Variants in SHOC2 observed in about 807,000 individuals in gnomAD.
The protein encoded by SHOC2 is leucine-rich repeat protein SHOC-2.
SHOC2 carries 4 observed loss-of-function variants against 50.2 expected under a neutral mutation model. That is an observed-to-expected ratio of 0.08 (90% CI 0.04 to 0.18). SHOC2 has a LOEUF of 0.18. Among genes scored for constraint, SHOC2 ranks in the 10% least tolerant of loss-of-function variants. The pLI is 1.00. For missense variants in SHOC2, 388 were observed against 669.6 expected, an observed-to-expected ratio of 0.58 and a Z score of 4.64; for synonymous variants, 218 against 244.5, an observed-to-expected ratio of 0.89 and a Z score of 1.01.
intron 3 of SHOC2, among the ~76,000 whole-genome samples, chr10:110,992,604 A>G (rs1848205265): frequency 6.6e-6 from 1 of 152,212 alleles, no homozygotes; most frequent in Non-Finnish European, 1.5e-5. Context: ...GCTGGAGTGC[A>G]GAACAATTCA....
At chr10:110,942,368 GAC>G (rs1022890103) in intron 1 of SHOC2, among the ~76,000 whole-genome samples, 4 of 152,002 alleles carry the variant, frequency 2.6e-5, no homozygotes, top group Admixed American at 1.3e-4. Context: ...TTGTTTTTGA[GAC>G]AGGGTCTTGC....
chr10:110,961,522 A>G (rs1048839108), intron 1 of SHOC2, among the ~76,000 whole-genome samples: 1 of 152,170 alleles, frequency 6.6e-6, no homozygotes, highest in African/African-American at 2.4e-5. Flanking sequence ...AATTCCCTTA[A>G]GTAAAGCATA....
Position 111,007,582 on chromosome 10 carries a change from G to A in SHOC2, c.1213G>A (p.Val405Ile), listed in dbSNP as rs1590837794. The A allele has an allele frequency of 6.2e-7, 1 of 1,613,674 alleles. No homozygotes were observed. The highest frequency in any genetic ancestry group is 8.5e-7 in the Non-Finnish European group (1 of 1,179,724). ...GGATTTTGGAACTTGGACCAGTATGGTAGAATTGAATTTAGCCACTAATCA... is the reference window on the plus strand; with the variant it reads ...GGATTTTGGAACTTGGACCAGTATGATAGAATTGAATTTAGCCACTAATCA... ...PLDFGTWTSM[V>I]ELNLATNQLT... Residue 405 changes from valine (V) to isoleucine (I), a missense_variant, in exon 6 of 9, where the codon GTA (valine) becomes ATA (isoleucine). Transcript: ENST00000369452.
intron 2 of SHOC2, among the ~76,000 whole-genome samples, chr10:110,977,738 A>G (rs1319784803): frequency 2.0e-5 from 3 of 152,172 alleles, no homozygotes; most frequent in African/African-American, 4.8e-5. Context: ...CCTTTTGTCT[A>G]CATCTAATTT....
chr10:110,939,882 A>G (rs1036825446), intron 1 of SHOC2, among the ~76,000 whole-genome samples: 18 of 152,328 alleles, frequency 1.2e-4, no homozygotes, highest in African/African-American at 4.3e-4. Context: ...ATGGTCAATT[A>G]TGGAAATATT....
At chr10:110,933,095 T>C (rs1186336426) in intron 1 of SHOC2, among the ~76,000 whole-genome samples, 2 of 152,150 alleles carry the variant, frequency 1.3e-5, no homozygotes, top group Non-Finnish European at 2.9e-5. Flanking sequence ...GATCTCTGAT[T>C]ATTATATAGA....
intron 1 of SHOC2, 49 bp downstream of exon 1, chr10:110,919,706 T>C (rs1302197605): frequency 7.5e-6 from 3 of 397,524 alleles, no homozygotes; most frequent in Non-Finnish European, 1.3e-5. Flanking sequence ...CGGTTCTTCC[T>C]GCCTGCCTTC....
At chr10:110,940,117 A>G (rs1590785875) in intron 1 of SHOC2, among the ~76,000 whole-genome samples, 1 of 152,218 alleles carries the variant, frequency 6.6e-6, no homozygotes, top group East Asian at 1.9e-4. Context: ...TATTAGTGCC[A>G]TCTGTAGAAT....
chr10:110,954,133 C>A (rs1401529245), intron 1 of SHOC2, among the ~76,000 whole-genome samples: 1 of 151,044 alleles, frequency 6.6e-6, no homozygotes, highest in East Asian at 1.9e-4. Context: ...TGTTTATATT[C>A]CAATTTAGTG....
intron 2 of SHOC2, among the ~76,000 whole-genome samples, chr10:110,976,555 A>G (rs1353414109): frequency 6.6e-6 from 1 of 151,974 alleles, no homozygotes. Context: ...CAAGCAATCC[A>G]TCCACCTCAG....
chr10:111,001,721 A>G (rs774772807), intron 4 of SHOC2, among the ~76,000 whole-genome samples: 17 of 152,274 alleles, frequency 1.1e-4, no homozygotes, highest in South Asian at 6.2e-4. Context: ...GTGTGTGTGT[A>G]ATCAAATTAA....
intron 2 of SHOC2, among the ~76,000 whole-genome samples, chr10:110,977,001 C>T (rs1847890339): frequency 6.6e-6 from 1 of 152,050 alleles, no homozygotes; most frequent in Non-Finnish European, 1.5e-5. Context: ...TATATCATTT[C>T]TTCTTCAGTG....
chr10:111,008,625 C>T (rs1442523188), intron 6 of SHOC2, among the ~76,000 whole-genome samples: 1 of 152,066 alleles, frequency 6.6e-6, no homozygotes. Flanking sequence ...TTATTTTCTC[C>T]ATCTTACTGT....
rs544940671 is a variant in SHOC2, at chr10:110,966,100, T to C, written c.703+1039T>C. Among the ~76,000 whole-genome samples the C allele has an allele frequency of 1.4e-4, 22 of 152,226 alleles. 1 individual carries two copies. The highest frequency in any genetic ancestry group is 4.3e-4 in the African/African-American group (18 of 41,584). ...TAGGTTTTGCAGCTTTTCAAAGATATGATATTCTGTGGGTGTTTTAATATT... is the reference window on the plus strand; with the variant it reads ...TAGGTTTTGCAGCTTTTCAAAGATACGATATTCTGTGGGTGTTTTAATATT... On this transcript the variant is annotated intron_variant, in intron 2 of 8. Coordinates refer to ENST00000369452, the MANE Select transcript of SHOC2 (RefSeq NM_007373.4).
intron 3 of SHOC2, among the ~76,000 whole-genome samples, chr10:110,994,594 C>G (rs1264730729): frequency 6.6e-6 from 1 of 152,090 alleles, no homozygotes; most frequent in Admixed American, 6.5e-5. Flanking sequence ...TGTGTTTACT[C>G]AGCATAAAAA....
At chr10:110,980,830 C>G (rs1199816918) in intron 2 of SHOC2, among the ~76,000 whole-genome samples, 1 of 152,044 alleles carries the variant, frequency 6.6e-6, no homozygotes, top group Non-Finnish European at 1.5e-5. Context: ...CAGTCAGTTC[C>G]AACTTCCTTT....
rs79722935 is a variant in SHOC2, at chr10:110,978,600, G to C, written c.704-7028G>C. Among the ~76,000 whole-genome samples, 32 of 152,304 alleles carry C rather than the reference G, an allele frequency of 2.1e-4. 1 individual carries two copies. In the East Asian group the frequency reaches 6.0e-3, roughly 28 times the overall value. On this transcript the variant is annotated intron_variant, in intron 2 of 8. Transcript: ENST00000369452. Reference sequence around the variant, plus strand: ...TCCAAACTCTTAAAGACCACAGTTGGCAACTGTTGAAATCTCTGCTCAGCT... The same window carrying C: ...TCCAAACTCTTAAAGACCACAGTTGCCAACTGTTGAAATCTCTGCTCAGCT...
In SHOC2 at chr10:110,919,614, A is replaced by T; in HGVS notation, c.-278A>T. The T allele has an allele frequency of 2.5e-6, 1 of 395,038 alleles. No individual in the cohort carries two copies. Among genetic ancestry groups the T allele is most frequent in the Non-Finnish European group, 4.4e-6 (1 of 225,412 alleles). 24.5% of individuals were successfully genotyped at this position (395,038 alleles called of 1,614,324 possible). On this transcript the variant is annotated 5_prime_UTR_variant, in exon 1 of 9. Transcript: ENST00000369452. ...TCTTAGGAGGAGGAGGAAGAGGAGG[A>T]AGGAGGGCGAGCGAGGAGGATGGCG...
intron 1 of SHOC2, among the ~76,000 whole-genome samples, chr10:110,926,566 G>A (rs947025347): frequency 3.3e-5 from 5 of 152,164 alleles, no homozygotes; most frequent in African/African-American, 1.2e-4. Context: ...AGAAAAACTC[G>A]AAAAGCCAGA....
Sources: allele counts gnomAD v4.1 joint callset (sites outside exome capture counted in the v4.1 genomes callset), GRCh38; gene constraint gnomAD v4.1.1; transcripts MANE v1.5; gene names NCBI Gene and HGNC (gene_info 2026-07-23, HGNC 2026-07-21).